DEPDC1B: variants seen among roughly 807,000 people sequenced by gnomAD.
The protein encoded by DEPDC1B is DEP domain containing 1B.
DEPDC1B carries 51 observed loss-of-function variants against 66.5 expected under a neutral mutation model. The ratio of observed to expected loss-of-function variants is 0.77; its 90% CI spans 0.61 to 0.97. DEPDC1B has a LOEUF of 0.97. Among genes scored for constraint, DEPDC1B ranks in the 50% least tolerant of loss-of-function variants. The pLI is 0.00. For synonymous variants in DEPDC1B, 226 were observed against 223.6 expected (o/e 1.01, Z -0.10); for missense variants, 552 against 637.1 (o/e 0.87, Z 1.44).
chr5:60,691,931 T>G (rs1025155518), intron 1 of DEPDC1B, among the ~76,000 whole-genome samples: 1 of 152,144 alleles, frequency 6.6e-6, no homozygotes, highest in Admixed American at 6.5e-5. Flanking sequence ...GGAATCAACC[T>G]AAAAGTCCAT....
chr5:60,654,434 C>T (rs1340183096), intron 2 of DEPDC1B, among the ~76,000 whole-genome samples: 2 of 147,110 alleles, frequency 1.4e-5, no homozygotes, highest in African/African-American at 5.2e-5. Context: ...AGCTTGGTCA[C>T]TGTTGGGTTA....
intron 5 of DEPDC1B, among the ~76,000 whole-genome samples, chr5:60,643,175 T>C (rs920746096): frequency 1.3e-5 from 2 of 152,222 alleles, no homozygotes; most frequent in South Asian, 2.1e-4. Context: ...AACCAATTAT[T>C]TTAAGAATTA....
At chr5:60,676,203 T>G (rs1584093790) in intron 2 of DEPDC1B, among the ~76,000 whole-genome samples, 1 of 151,546 alleles carries the variant, frequency 6.6e-6, no homozygotes, top group Admixed American at 6.6e-5. Flanking sequence ...GTGCTGCGAC[T>G]ACAGGCGTCA....
chr5:60,647,748 T>C (rs751801205), intron 2 of DEPDC1B: 11 of 371,982 alleles, frequency 3.0e-5, no homozygotes, highest in Non-Finnish European at 4.5e-5. Context: ...TCAGATAATA[T>C]TTTTCTGCAG....
At chr5:60,637,007 G>A (rs1753058653) in intron 7 of DEPDC1B, among the ~76,000 whole-genome samples, 1 of 151,984 alleles carries the variant, frequency 6.6e-6, no homozygotes, top group South Asian at 2.1e-4. Flanking sequence ...GATACAAATT[G>A]GAATTTGTTT....
chr5:60,667,809 A>ATAAAAAATGGATATTTTACATATATG lies in DEPDC1B; in HGVS notation c.314+19127_314+19152dup, dbSNP rs1554054932. On this transcript the variant is annotated intron_variant, in intron 2 of 10. Transcript: ENST00000265036. ...TAAAAAATGGATATTTTACATATAT[A>ATAAAAAATGGATATTTTACATATATG]TAAAAAATGGATATTTTACATATAT... is the stretch of plus-strand genomic sequence containing the variant. Among the ~76,000 whole-genome samples the ATAAAAAATGGATATTTTACATATATG allele has an allele frequency of 2.8e-3, 282 of 101,380 alleles. 28 individuals carry two copies. Among genetic ancestry groups the ATAAAAAATGGATATTTTACATATATG allele is most frequent in the Non-Finnish European group, 4.1e-3 (222 of 54,040 alleles). 66.5% of individuals were successfully genotyped at this position (101,380 alleles called of 152,430 possible). A position where few individuals can be genotyped will look rare whatever the true frequency, so the allele number is the denominator to read the frequency against.
At chr5:60,690,853 G>C (rs1407348562) in intron 1 of DEPDC1B, among the ~76,000 whole-genome samples, 1 of 152,034 alleles carries the variant, frequency 6.6e-6, no homozygotes, top group Non-Finnish European at 1.5e-5. Flanking sequence ...CCAACCACCT[G>C]AGAAACTATT....
chr5:60,601,872 T>C (rs1752204842), intron 9 of DEPDC1B, among the ~76,000 whole-genome samples: 2 of 152,168 alleles, frequency 1.3e-5, no homozygotes, highest in Non-Finnish European at 2.9e-5. Flanking sequence ...AAAAACTCTA[T>C]GAGGTAAATA....
At chr5:60,638,919 A>C (rs373860185) in intron 6 of DEPDC1B, 29 bp from the exon 7 acceptor site, 2 of 1,604,578 alleles carry the variant, frequency 1.2e-6, no homozygotes, top group East Asian at 4.5e-5. Context: ...TGAAAGAGAA[A>C]CATTAATGGA....
At chr5:60,638,666 G>T in intron 7 of DEPDC1B, 84 bp downstream of exon 7, 1 of 1,367,042 alleles carries the variant, frequency 7.3e-7, no homozygotes, top group Non-Finnish European at 9.9e-7. Flanking sequence ...CATGAGTTTT[G>T]GCTAATGGAA....
At position 60,603,585 on chromosome 5, in the gene DEPDC1B, T is replaced by C; in HGVS notation, c.1066-18A>G. 6.4e-7 allele frequency: 1 copy of C among 1,569,886 alleles called. No homozygotes were observed. Among genetic ancestry groups the C allele is most frequent in the East Asian group, 2.3e-5 (1 of 44,262 alleles). ...TGAACCATCTAAAAAAAGAGCGGGG[T>C]GGGGGGTAAACGCAGATGAGTATTT... On this transcript the variant is annotated intron_variant, in intron 8 of 10. Coordinates refer to ENST00000265036, the MANE Select transcript of DEPDC1B (RefSeq NM_018369.3).
chr5:60,632,578 C>T (rs1752949965), intron 7 of DEPDC1B, among the ~76,000 whole-genome samples: 1 of 152,252 alleles, frequency 6.6e-6, no homozygotes, highest in Non-Finnish European at 1.5e-5. Context: ...CAAAGCTGGA[C>T]AGCAGTGGCT....
At chr5:60,602,436 T>C (rs1752219950) in intron 9 of DEPDC1B, among the ~76,000 whole-genome samples, 1 of 152,106 alleles carries the variant, frequency 6.6e-6, no homozygotes, top group South Asian at 2.1e-4. Context: ...ATTATTTTTG[T>C]AATACCTCAG....
In DEPDC1B at chr5:60,612,302, C is replaced by T. The variant is rs561130508; in HGVS notation, c.899-6446G>A. Among the ~76,000 whole-genome samples, 25 of 151,406 alleles carry T rather than the reference C, an allele frequency of 1.7e-4. 1 individual carries two copies. The highest frequency in any genetic ancestry group is 5.6e-4 in the African/African-American group (23 of 41,304). On this transcript the variant is annotated intron_variant, in intron 7 of 10. Coordinates refer to ENST00000265036, the MANE Select transcript of DEPDC1B (RefSeq NM_018369.3). ...GCCAGGCATGGTGGCATGTGCCTGT[C>T]GTCCCAGCTATTTGGGAGGCTGAGG... is the stretch of plus-strand genomic sequence containing the variant.
chr5:60,700,152 G>C lies in DEPDC1B; in HGVS notation c.-59C>G. On this transcript the variant is annotated 5_prime_UTR_variant, in exon 1 of 11. Coordinates refer to ENST00000265036, the MANE Select transcript of DEPDC1B (RefSeq NM_018369.3). Reference sequence around the variant, plus strand: ...GCGCTGATCCCCGCCAGCCGGAGGAGCAGCAGTTTGAATCCCAAGCCCGCG... The same window carrying C: ...GCGCTGATCCCCGCCAGCCGGAGGACCAGCAGTTTGAATCCCAAGCCCGCG... 1 of 1,513,680 alleles carries C rather than the reference G, an allele frequency of 6.6e-7. No homozygotes were observed. Among genetic ancestry groups the C allele is most frequent in the Non-Finnish European group, 8.8e-7 (1 of 1,134,652 alleles). 93.8% of individuals were successfully genotyped at this position (1,513,680 alleles called of 1,614,324 possible).
chr5:60,700,050 C>A lies in DEPDC1B; in HGVS notation c.44G>T (p.Arg15Met), dbSNP rs867355448. Reference sequence around the variant, plus strand: ...GGCCCCAGCACACTCACTCACCAGCCTGGTAGCTCGGTACGGCCCGGGCCC... The same window carrying A: ...GGCCCCAGCACACTCACTCACCAGCATGGTAGCTCGGTACGGCCCGGGCCC... ...IVGPGPYRATRLWNETVELFR... is the reference protein window; with the variant it reads ...IVGPGPYRATMLWNETVELFR... Residue 15 changes from arginine to methionine, a missense_variant, in exon 1 of 11, where the codon AGG (arginine) becomes ATG (methionine). Physicochemically the swap from Arg to Met is moderately conservative, Grantham distance 91. Coordinates refer to ENST00000265036, the MANE Select transcript of DEPDC1B (RefSeq NM_018369.3). The A allele has an allele frequency of 1.9e-6, 3 of 1,558,280 alleles. No individual in the cohort carries two copies. The highest frequency in any genetic ancestry group is 2.4e-5 in the South Asian group (2 of 84,538).
chr5:60,680,040 C>T (rs1441119001), intron 2 of DEPDC1B, among the ~76,000 whole-genome samples: 3 of 152,056 alleles, frequency 2.0e-5, no homozygotes, highest in Non-Finnish European at 4.4e-5. Flanking sequence ...CAGAGGAGAT[C>T]ATAAAGATTA....
At chr5:60,613,908 C>T (rs1403263649) in intron 7 of DEPDC1B, among the ~76,000 whole-genome samples, 1 of 151,340 alleles carries the variant, frequency 6.6e-6, no homozygotes, top group Non-Finnish European at 1.5e-5. Context: ...TATGACCACC[C>T]AAGAGATTAC....
chr5:60,645,641 A>G (rs965325656), intron 3 of DEPDC1B, 22 bp from the exon 4 acceptor site: 5 of 1,590,292 alleles, frequency 3.1e-6, no homozygotes, highest in South Asian at 1.1e-5. Context: ...GGGATGTAAG[A>G]AGGGAGGGAA....
Sources: gnomAD v4.1 joint callset for allele counts (sites outside exome capture counted in the v4.1 genomes callset) on GRCh38, gnomAD v4.1.1 for gene constraint, MANE v1.5 for transcripts, NCBI Gene and HGNC (gene_info 2026-07-23, HGNC 2026-07-21) for gene names.